The following DDAH1 variants were observed in gnomAD, a reference collection of about 807,000 sequenced individuals.
DDAH1 encodes N(G),N(G)-dimethylarginine dimethylaminohydrolase 1.
A neutral mutation model predicts 28.8 loss-of-function variants in DDAH1; 19 were observed. The observed-to-expected ratio is 0.66, with a 90% CI of 0.46 to 0.97. DDAH1 has a LOEUF of 0.97. Among genes scored for constraint, DDAH1 ranks in the 50% least tolerant of loss-of-function variants. The pLI, the probability that DDAH1 is intolerant of heterozygous loss-of-function variation, is 0.00. For missense variants in DDAH1, 326 were observed against 375.9 expected (o/e 0.87, Z 1.10); for synonymous variants, 153 against 154.4 (o/e 0.99, Z 0.07).
At chr1:85,452,298 T>C (rs1654697889) in intron 1 of DDAH1, among the ~76,000 whole-genome samples, 1 of 152,118 alleles carries the variant, frequency 6.6e-6, no homozygotes, top group Non-Finnish European at 1.5e-5. Context: ...CCTAGATAAG[T>C]AGATTTAAAA....
At chr1:85,570,023 C>G (rs1195840996) in intron 1 of DDAH1, among the ~76,000 whole-genome samples, 4 of 152,202 alleles carry the variant, frequency 2.6e-5, no homozygotes, top group African/African-American at 4.8e-5. Context: ...CAAGCTGACG[C>G]TGATCACAAA....
Position 85,413,046 on chromosome 1 carries a change from T to C in DDAH1, c.303+51697A>G, listed in dbSNP as rs1459533273. On this transcript the variant is annotated intron_variant, in intron 1 of 5. Transcript: ENST00000284031. Reference sequence around the variant, plus strand: ...GAAGGATTACTTTGTTAATATATTCTAGAAATATATAGCCAGAGAAAAACG... The same window carrying C: ...GAAGGATTACTTTGTTAATATATTCCAGAAATATATAGCCAGAGAAAAACG... Among the ~76,000 whole-genome samples, 4 of 152,152 alleles carry C rather than the reference T, an allele frequency of 2.6e-5. No homozygotes were observed. The East Asian group carries it at 5.8e-4, about 22-fold the overall frequency.
In DDAH1 at chr1:85,465,001, G is replaced by A; in HGVS notation, c.45C>T (p.His15=). ...GHPAAFGRAT[H]AVVRALPESL... ...ACTCGGGTAGCGCCCGCACCACGGCGTGGGTGGCCCGGCCGAAGGCGGCGG... is the reference window on the plus strand; with the variant it reads ...ACTCGGGTAGCGCCCGCACCACGGCATGGGTGGCCCGGCCGAAGGCGGCGG... Residue 15 remains histidine, a synonymous_variant, in exon 1 of 6, where the codon CAC becomes CAT. Coordinates refer to ENST00000284031, the MANE Select transcript of DDAH1 (RefSeq NM_012137.4). 7.3e-6 allele frequency: 10 copies of A among 1,373,468 alleles called. No homozygotes were observed. Among genetic ancestry groups the A allele is most frequent in the Non-Finnish European group, 9.4e-6 (10 of 1,064,544 alleles). 85.1% of individuals were successfully genotyped at this position (1,373,468 alleles called of 1,614,324 possible).
At chr1:85,577,133 G>A (rs968841891) in intron 1 of DDAH1, among the ~76,000 whole-genome samples, 2 of 152,130 alleles carry the variant, frequency 1.3e-5, no homozygotes, top group African/African-American at 4.8e-5. Context: ...CCGGCAGGGG[G>A]CGGCGGTAGC....
At chr1:85,439,523 G>C (rs75209907) in intron 1 of DDAH1, among the ~76,000 whole-genome samples, 1 of 152,184 alleles carries the variant, frequency 6.6e-6, no homozygotes, top group East Asian at 1.9e-4. Flanking sequence ...CGTATCATCA[G>C]TATTTAGTAG....
intron 1 of DDAH1, among the ~76,000 whole-genome samples, chr1:85,509,947 T>C (rs900084417): frequency 6.6e-6 from 1 of 152,126 alleles, no homozygotes; most frequent in African/African-American, 2.4e-5. Context: ...TTCCCCAACC[T>C]AGCAAGGCAG....
chr1:85,445,594 A>T (rs1402824004), intron 1 of DDAH1, among the ~76,000 whole-genome samples: 2 of 152,110 alleles, frequency 1.3e-5, no homozygotes, highest in African/African-American at 2.4e-5. Context: ...ATCATGTTAC[A>T]TTGGATTAAT....
intron 1 of DDAH1, among the ~76,000 whole-genome samples, chr1:85,402,272 A>G (rs1322162214): frequency 6.8e-6 from 1 of 147,906 alleles, no homozygotes; most frequent in African/African-American, 2.5e-5. Flanking sequence ...AAGTGCTGGG[A>G]TTACAGGTGT....
At chr1:85,489,967 T>C (rs1335773087) in intron 2 of DDAH1, among the ~76,000 whole-genome samples, 1 of 152,196 alleles carries the variant, frequency 6.6e-6, no homozygotes, top group East Asian at 1.9e-4. Flanking sequence ...TATATTCTAC[T>C]TCAGAGTAAC....
chr1:85,428,249 T>G (rs1653503102), intron 1 of DDAH1, among the ~76,000 whole-genome samples: 1 of 152,172 alleles, frequency 6.6e-6, no homozygotes, highest in African/African-American at 2.4e-5. Context: ...AAGACATACT[T>G]GAGACTGGGT....
chr1:85,430,475 T>C (rs1653623066), intron 1 of DDAH1, among the ~76,000 whole-genome samples: 1 of 152,256 alleles, frequency 6.6e-6, no homozygotes, highest in African/African-American at 2.4e-5. Flanking sequence ...ATTGAATCTA[T>C]AAATTACTTT....
chr1:85,411,479 C>G (rs910781210), intron 1 of DDAH1, among the ~76,000 whole-genome samples: 3 of 152,012 alleles, frequency 2.0e-5, no homozygotes, highest in African/African-American at 7.2e-5. Context: ...GCTGTGTTCA[C>G]TACCATGCTG....
intron 4 of DDAH1, among the ~76,000 whole-genome samples, chr1:85,335,839 G>A (rs1342230382): frequency 3.9e-5 from 6 of 152,082 alleles, no homozygotes; most frequent in African/African-American, 9.7e-5. Context: ...GTGCATGCTT[G>A]TAGTTTCAGC....
chr1:85,448,068 T>C (rs957474562), intron 1 of DDAH1: 2 of 152,294 alleles, frequency 1.3e-5, no homozygotes, highest in Non-Finnish European at 2.9e-5. Flanking sequence ...GGGCCACATG[T>C]GGCCTAGGAC....
At chr1:85,369,708 G>A (rs189752896) in intron 1 of DDAH1, among the ~76,000 whole-genome samples, 3 of 152,118 alleles carry the variant, frequency 2.0e-5, no homozygotes, top group Admixed American at 1.3e-4. Context: ...TGTATATTCT[G>A]GTGAGGATAT....
intron 2 of DDAH1, among the ~76,000 whole-genome samples, chr1:85,483,892 C>T (rs966270074): frequency 6.6e-6 from 1 of 152,106 alleles, no homozygotes; most frequent in African/African-American, 2.4e-5. Context: ...AGCATATGAT[C>T]ATATTTGATC....
At chr1:85,389,953 C>T (rs574786575) in intron 1 of DDAH1, among the ~76,000 whole-genome samples, 3 of 152,178 alleles carry the variant, frequency 2.0e-5, no homozygotes, top group African/African-American at 2.4e-5. Context: ...TCCAAGTTGA[C>T]GATTCTAGAA....
intron 2 of DDAH1, among the ~76,000 whole-genome samples, chr1:85,475,005 A>G (rs973821458): frequency 6.6e-6 from 1 of 152,150 alleles, no homozygotes; most frequent in African/African-American, 2.4e-5. Context: ...AGTAATATCA[A>G]TCTTACATAG....
At chr1:85,492,730 T>G (rs1459806309) in intron 2 of DDAH1, among the ~76,000 whole-genome samples, 1 of 152,168 alleles carries the variant, frequency 6.6e-6, no homozygotes, top group Admixed American at 6.6e-5. Flanking sequence ...ATAAACCTAA[T>G]TTTTGTATAA....
Sources: allele counts gnomAD v4.1 joint callset (sites outside exome capture counted in the v4.1 genomes callset), GRCh38; gene constraint gnomAD v4.1.1; transcripts MANE v1.5; gene names NCBI Gene and HGNC (gene_info 2026-07-23, HGNC 2026-07-21).